Variants in ANK2 observed in about 807,000 individuals in gnomAD.
The protein encoded by ANK2 is ankyrin-2.
A neutral mutation model predicts 360.5 loss-of-function variants in ANK2; 83 were observed. That is an observed-to-expected ratio of 0.23 (90% CI 0.19 to 0.28). The LOEUF is 0.28. ANK2 is among the 10% of genes least tolerant of loss of function. The pLI, the probability that ANK2 is intolerant of heterozygous loss-of-function variation, is 1.00. For synonymous variants in ANK2, 1,740 were observed against 1,759.5 expected, an observed-to-expected ratio of 0.99 and a Z score of 0.28; for missense variants, 4,201 against 4,795.7, an observed-to-expected ratio of 0.88 and a Z score of 3.66.
At position 113,382,510 on chromosome 4, in the gene ANK2, C is replaced by G. The variant is rs146298443; in HGVS notation, c.*1039C>G. 1 of 152,770 alleles carries G rather than the reference C, an allele frequency of 6.5e-6. No individual in the cohort carries two copies. Among genetic ancestry groups the G allele is most frequent in the Non-Finnish European group, 1.5e-5 (1 of 68,062 alleles). 9.5% of individuals were successfully genotyped at this position (152,770 alleles called of 1,614,324 possible). A position where few individuals can be genotyped will look rare whatever the true frequency, so the allele number is the denominator to read the frequency against. On this transcript the variant is annotated 3_prime_UTR_variant, in exon 46 of 46. Coordinates refer to ENST00000357077, the MANE Select transcript of ANK2 (RefSeq NM_001148.6). ...CAGTTTTCATTGCTGCTTTAGCAAA[C>G]CACGCTGTCTTACAGTGGTACTTTC... is the stretch of plus-strand genomic sequence containing the variant.
intron 45 of ANK2, among the ~76,000 whole-genome samples, chr4:113,377,233 G>T (rs1018596042): frequency 1.3e-5 from 2 of 152,004 alleles, no homozygotes; most frequent in African/African-American, 4.8e-5. Context: ...TATGTGCTGT[G>T]CTTTTATATG....
intron 2 of ANK2, among the ~76,000 whole-genome samples, chr4:113,004,056 CTG>C (rs2051825844): frequency 1.3e-5 from 2 of 152,316 alleles, no homozygotes; most frequent in South Asian, 2.1e-4. Flanking sequence ...CTGGAAGTCA[CTG>C]TGGGTGAGTC....
chr4:113,117,293 G>C, intron 1 of ANK2: 1 of 456,026 alleles, frequency 2.2e-6, no homozygotes, highest in Non-Finnish European at 4.4e-6. Flanking sequence ...CTGCAAAATG[G>C]CTCACGCTGC....
chr4:113,201,149 G>T (rs1346699857), intron 4 of ANK2, among the ~76,000 whole-genome samples: 1 of 152,100 alleles, frequency 6.6e-6, no homozygotes, highest in African/African-American at 2.4e-5. Context: ...TAGGGGGATT[G>T]CTGGGTCTAA....
At chr4:113,335,697 C>G (rs1385123934) in intron 29 of ANK2, 149 bp from the exon 30 acceptor site, 1 of 820,630 alleles carries the variant, frequency 1.2e-6, no homozygotes, top group East Asian at 2.6e-5. Context: ...GTTAGGATAG[C>G]CTTGCTTTTT....
At chr4:112,913,594 T>G (rs1415779111) in intron 2 of ANK2, among the ~76,000 whole-genome samples, 1 of 152,256 alleles carries the variant, frequency 6.6e-6, no homozygotes, top group Admixed American at 6.5e-5. Context: ...GTATATGAGT[T>G]TAATACCTTG....
At chr4:113,372,142 CTA>C in intron 43 of ANK2, among the ~76,000 whole-genome samples, 1 of 152,270 alleles carries the variant, frequency 6.6e-6, no homozygotes, top group South Asian at 2.1e-4. Context: ...AATTCCAAGC[CTA>C]AGCACCAGTG....
In ANK2 at chr4:113,198,341, T is replaced by G. The variant is rs113111116; in HGVS notation, c.286-670T>G. On this transcript the variant is annotated intron_variant, in intron 3 of 45. Transcript: ENST00000357077. ...TGGCTTGGAATCTACTGGTTTCTGG[T>G]TTTTTTTTCTTTTTGTTATTTATTT... is the stretch of plus-strand genomic sequence containing the variant. Among the ~76,000 whole-genome samples, 36 of 142,542 alleles carry G rather than the reference T, an allele frequency of 2.5e-4. No individual in the cohort carries two copies. The East Asian group carries it at 5.9e-3, about 23-fold the overall frequency. 93.5% of individuals were successfully genotyped at this position (142,542 alleles called of 152,430 possible). A position where few individuals can be genotyped will look rare whatever the true frequency, so the allele number is the denominator to read the frequency against.
chr4:112,743,310 T>C, the ANK2 span, among the ~76,000 whole-genome samples: 1 of 152,156 alleles, frequency 6.6e-6, no homozygotes, highest in African/African-American at 2.4e-5. Context: ...ATATTTTCTT[T>C]CAGTTCTACA....
At chr4:112,977,816 G>A (rs1314317606) in intron 2 of ANK2, among the ~76,000 whole-genome samples, 1 of 152,114 alleles carries the variant, frequency 6.6e-6, no homozygotes, top group African/African-American at 2.4e-5. Context: ...CCACTTATGA[G>A]TGAGAATATG....
chr4:112,870,595 T>G (rs531302812), intron 1 of ANK2, among the ~76,000 whole-genome samples: 13 of 152,148 alleles, frequency 8.5e-5, no homozygotes, highest in Non-Finnish European at 1.9e-4. Flanking sequence ...TTGAAATTTT[T>G]TATTGAAAAT....
chr4:113,371,373 T>A (rs1026806911), intron 43 of ANK2, among the ~76,000 whole-genome samples: 4 of 152,342 alleles, frequency 2.6e-5, no homozygotes, highest in Admixed American at 2.6e-4. Flanking sequence ...GAATTATTCA[T>A]CTCTCAAATT....
At chr4:113,303,069 A>T (rs1262147209) in intron 23 of ANK2, among the ~76,000 whole-genome samples, 1 of 152,356 alleles carries the variant, frequency 6.6e-6, no homozygotes, top group East Asian at 1.9e-4. Context: ...TAGCATTAAA[A>T]TTAATGGCTA....
intron 5 of ANK2, among the ~76,000 whole-genome samples, chr4:113,233,852 T>C (rs567714894): frequency 6.6e-6 from 1 of 152,310 alleles, no homozygotes; most frequent in Non-Finnish European, 1.5e-5. Context: ...TATACTCTTG[T>C]CACTTGGATA....
chr4:112,782,552 T>A, the ANK2 span, among the ~76,000 whole-genome samples: 4 of 152,000 alleles, frequency 2.6e-5, no homozygotes, highest in Non-Finnish European at 5.9e-5. Context: ...ATTATTTTTA[T>A]CCCCATGCTA....
chr4:113,069,057 TGAAAAGAAAAGAAAAGAAGA>T (rs1455122316), intron 1 of ANK2, among the ~76,000 whole-genome samples: 2 of 150,180 alleles, frequency 1.3e-5, no homozygotes, highest in Non-Finnish European at 3.0e-5. Context: ...CCCTGTCTAA[TGAAAAGAAAAGAAAAGAAGA>T]GAAAAGAAAA....
intron 24 of ANK2, among the ~76,000 whole-genome samples, chr4:113,316,381 A>G (rs1163916834): frequency 1.3e-5 from 2 of 152,338 alleles, no homozygotes; most frequent in East Asian, 3.9e-4. Context: ...ATTACTATGA[A>G]TTACCTACAA....
At chr4:112,940,471 A>C (rs7689257) in intron 2 of ANK2, among the ~76,000 whole-genome samples, 1 of 151,920 alleles carries the variant, frequency 6.6e-6, no homozygotes, top group Admixed American at 6.6e-5. Context: ...ACACACACAG[A>C]GAAGATCTAA....
chr4:113,341,572 C>A, intron 32 of ANK2, 116 bp from the exon 33 acceptor site: 2 of 1,060,078 alleles, frequency 1.9e-6, no homozygotes, highest in Non-Finnish European at 2.8e-6. Flanking sequence ...CCCTCTCTCA[C>A]TTCCTTTTTT....
Sources: allele counts gnomAD v4.1 joint callset (sites outside exome capture counted in the v4.1 genomes callset), GRCh38; gene constraint gnomAD v4.1.1; transcripts MANE v1.5; gene names NCBI Gene and HGNC (gene_info 2026-07-23, HGNC 2026-07-21).